Variants in RPSA2 observed in about 807,000 individuals in gnomAD.
RPSA2 encodes the protein small ribosomal subunit protein uS2B.
At chr19:23,832,987 G>T in the RPSA2 span, 1 of 1,461,462 alleles carries the variant, frequency 6.8e-7, no homozygotes, top group Admixed American at 2.0e-5. Context: ...TGAAGAATGT[G>T]GCAAAGCCTT....
At chr19:23,822,336 C>G in the RPSA2 span, among the ~76,000 whole-genome samples, 1 of 152,196 alleles carries the variant, frequency 6.6e-6, no homozygotes. Context: ...TTCAGGCACA[C>G]TGGCTTCTAG....
chr19:23,851,552 C>A, the RPSA2 span, among the ~76,000 whole-genome samples: 6 of 152,174 alleles, frequency 3.9e-5, no homozygotes, highest in Admixed American at 6.5e-5. Context: ...TTAATAGTAG[C>A]AGTTTCTATA....
At chr19:23,800,075 C>G in the RPSA2 span, among the ~76,000 whole-genome samples, 1 of 142,492 alleles carries the variant, frequency 7.0e-6, no homozygotes, top group Non-Finnish European at 1.5e-5. Flanking sequence ...ATTTCCCAGG[C>G]TGGAGTGCAG....
chr19:23,844,335 T>A, the RPSA2 span, among the ~76,000 whole-genome samples: 1 of 152,226 alleles, frequency 6.6e-6, no homozygotes, highest in South Asian at 2.1e-4. Context: ...ATTGTGAGCA[T>A]GCTGTGATAA....
At chr19:23,814,724 G>A in the RPSA2 span, among the ~76,000 whole-genome samples, 2 of 152,136 alleles carry the variant, frequency 1.3e-5, no homozygotes, top group African/African-American at 4.8e-5. Flanking sequence ...GTTGAAGAGT[G>A]TGTTTTATTT....
At chr19:23,773,726 G>C in the RPSA2 span, among the ~76,000 whole-genome samples, 583 of 152,316 alleles carry the variant, frequency 3.8e-3, 1 homozygote, top group Non-Finnish European at 6.6e-3. Flanking sequence ...TGTGGATTCA[G>C]TTTGCAGGTG....
chr19:23,772,475 C>T, the RPSA2 span, among the ~76,000 whole-genome samples: 1 of 152,192 alleles, frequency 6.6e-6, no homozygotes, highest in African/African-American at 2.4e-5. Flanking sequence ...TGATTACTCT[C>T]ATAACTCAAG....
At chr19:23,805,859 C>T in the RPSA2 span, among the ~76,000 whole-genome samples, 12 of 152,014 alleles carry the variant, frequency 7.9e-5, no homozygotes, top group Non-Finnish European at 1.3e-4. Flanking sequence ...AAAAATATTT[C>T]GTTTCTATAT....
the RPSA2 span, among the ~76,000 whole-genome samples, chr19:23,778,357 C>T: frequency 6.6e-6 from 1 of 152,140 alleles, no homozygotes; most frequent in Non-Finnish European, 1.5e-5. Context: ...GGATTACAGG[C>T]CTGCACCACC....
the RPSA2 span, among the ~76,000 whole-genome samples, chr19:23,825,044 A>G: frequency 6.6e-6 from 1 of 152,000 alleles, no homozygotes; most frequent in African/African-American, 2.4e-5. Flanking sequence ...CAGTGGCACA[A>G]TCTCAGCTCA....
chr19:23,798,090 C>G, the RPSA2 span, among the ~76,000 whole-genome samples: 4 of 151,734 alleles, frequency 2.6e-5, no homozygotes, highest in African/African-American at 9.7e-5. Flanking sequence ...TTGTCTTTAT[C>G]TGGGACCTGA....
the RPSA2 span, among the ~76,000 whole-genome samples, chr19:23,793,958 G>T: frequency 3.3e-5 from 5 of 152,092 alleles, no homozygotes; most frequent in Non-Finnish European, 5.9e-5. Context: ...TTTTTTTAGA[G>T]ATGGGATTTT....
chr19:23,802,863 G>A, the RPSA2 span, among the ~76,000 whole-genome samples: 1 of 152,016 alleles, frequency 6.6e-6, no homozygotes, highest in South Asian at 2.1e-4. Flanking sequence ...GGATATATTT[G>A]CACCATTTTC....
chr19:23,861,409 A>G, the RPSA2 span, among the ~76,000 whole-genome samples: 8 of 152,134 alleles, frequency 5.3e-5, no homozygotes, highest in Non-Finnish European at 8.8e-5. Context: ...CACACAGAGG[A>G]CCAACAGAAT....
the RPSA2 span, among the ~76,000 whole-genome samples, chr19:23,776,752 T>C: frequency 5.9e-5 from 9 of 152,198 alleles, no homozygotes; most frequent in African/African-American, 2.2e-4. Context: ...GATATTACTC[T>C]TTTGCCTTGG....
At chr19:23,848,237 G>A in the RPSA2 span, among the ~76,000 whole-genome samples, 47 of 152,258 alleles carry the variant, frequency 3.1e-4, no homozygotes, top group South Asian at 1.2e-3. Context: ...TTCCTCTGCC[G>A]TGGCTCCAGC....
chr19:23,784,284 A>T, the RPSA2 span, among the ~76,000 whole-genome samples: 13 of 152,356 alleles, frequency 8.5e-5, no homozygotes, highest in African/African-American at 3.1e-4. Flanking sequence ...CATGCAGATG[A>T]GATTGCATTT....
chr19:23,845,976 T>A, the RPSA2 span, among the ~76,000 whole-genome samples: 5 of 152,350 alleles, frequency 3.3e-5, no homozygotes, highest in East Asian at 9.6e-4. Context: ...AGCTTTCCTA[T>A]CTCAATGGTC....
the RPSA2 span, among the ~76,000 whole-genome samples, chr19:23,793,478 C>T: frequency 6.6e-6 from 1 of 151,508 alleles, no homozygotes; most frequent in Non-Finnish European, 1.5e-5. Context: ...TGTTTGGAGA[C>T]AGGGTCTCAG....
Sources: gnomAD v4.1 joint callset for allele counts (sites outside exome capture counted in the v4.1 genomes callset) on GRCh38, gnomAD v4.1.1 for gene constraint, MANE v1.5 for transcripts, NCBI Gene and HGNC (gene_info 2026-07-23, HGNC 2026-07-21) for gene names.